Variants in GGA1 observed in about 807,000 individuals in gnomAD.
GGA1 encodes the protein ADP-ribosylation factor-binding protein GGA1.
Under a neutral mutation model 76.9 loss-of-function variants are expected in GGA1, and 18 were observed. That is an observed-to-expected ratio of 0.23 (90% CI 0.16 to 0.35). The LOEUF is 0.35. Among genes scored for constraint, GGA1 ranks in the 10% least tolerant of loss-of-function variants. The pLI is 1.00. For missense variants in GGA1, 755 were observed against 859.0 expected (o/e 0.88, Z 1.51); for synonymous variants, 342 against 354.7 (o/e 0.96, Z 0.40).
At position 37,625,891 on chromosome 22, in the gene GGA1, C is replaced by T. The variant is rs1371036206; in HGVS notation, c.1035C>T (p.Ala345=). The T allele has an allele frequency of 1.9e-6, 3 of 1,608,840 alleles. No homozygotes were observed. Among genetic ancestry groups the T allele is most frequent in the African/African-American group, 1.3e-5 (1 of 75,022 alleles). Residue 345 remains alanine (A), a synonymous_variant, in exon 11 of 17, where the codon GCC becomes GCT. Coordinates refer to ENST00000343632, the MANE Select transcript of GGA1 (RefSeq NM_013365.5). The surrounding 1 kb of genome is among the most constrained non-coding windows in gnomAD (Gnocchi z 4.1). ...PAMPTRPGEQ[A]SPEQPSASVS... ...TGCCCACCCGCCCTGGCGAGCAGGC[C>T]AGCCCTGAGCAGCCCAGTGCCTCAG...
chr22:37,628,054 C>G (rs1440129002), intron 11 of GGA1, among the ~76,000 whole-genome samples: 1 of 152,190 alleles, frequency 6.6e-6, no homozygotes, highest in Non-Finnish European at 1.5e-5. Flanking sequence ...TATTGAACTC[C>G]TGGCCTCAAG....
In GGA1 at chr22:37,623,380, GAAC is replaced by G; in HGVS notation, c.669_671del (p.Asn224del). On this transcript the variant is annotated inframe_deletion, in exon 8 of 17. Transcript: ENST00000343632. This position sits in a 1 kb window ranked among gnomAD's most constrained non-coding sequence, Gnocchi z 4.6. ...AGAGGGTGAATGCCATCGAGGAGGT[GAAC>G]AACAATGTGAAACTGCTCACGGAGA... The G allele has an allele frequency of 6.2e-7, 1 of 1,613,992 alleles. No individual in the cohort carries two copies. Among genetic ancestry groups the G allele is most frequent in the Non-Finnish European group, 8.5e-7 (1 of 1,179,878 alleles).
chr22:37,620,869 C>G lies in GGA1; in HGVS notation c.484C>G (p.Pro162Ala). ...TGACACTACCTTTCCCCTTCCTCCT[C>G]CACGGCCGAAGAATGTGATCTTTGA... ...PDDTTFPLPP[P>A]RPKNVIFEDE... Residue 162 changes from proline (P) to alanine (A), a missense_variant, in exon 6 of 17, where the codon CCA becomes GCA. Transcript: ENST00000343632. 1.2e-6 allele frequency: 2 copies of G among 1,612,668 alleles called. No homozygotes were observed. The highest frequency in any genetic ancestry group is 1.7e-6 in the Non-Finnish European group (2 of 1,178,654).
chr22:37,630,546 T>G (rs1044542241), intron 13 of GGA1: 3 of 444,848 alleles, frequency 6.7e-6, no homozygotes, highest in Non-Finnish European at 8.0e-6. Context: ...CCTGTGCCCC[T>G]GATCTCTCCA....
At position 37,625,755 on chromosome 22, in the gene GGA1, G is replaced by A. The variant is rs201253287; in HGVS notation, c.941-42G>A. The A allele has an allele frequency of 7.4e-6, 11 of 1,493,200 alleles. No homozygotes were observed. The highest frequency in any genetic ancestry group is 5.6e-5 in the African/African-American group (4 of 71,016). The allele number at this position is 1,493,200 out of a possible 1,614,324, so 92.5% of individuals were successfully genotyped here. A position where few individuals can be genotyped will look rare whatever the true frequency, so the allele number is the denominator to read the frequency against. Reference sequence around the variant, plus strand: ...AACCCCTGTGGACTCTGAGAGACACGTGTACACCCAGGACTTGCCAGCCTC... The same window carrying A: ...AACCCCTGTGGACTCTGAGAGACACATGTACACCCAGGACTTGCCAGCCTC... On this transcript the variant is annotated intron_variant, in intron 10 of 16. Transcript: ENST00000343632. The surrounding 1 kb of genome is among the most constrained non-coding windows in gnomAD (Gnocchi z 4.1).
chr22:37,627,638 A>C (rs1019729750), intron 11 of GGA1, among the ~76,000 whole-genome samples: 1 of 152,252 alleles, frequency 6.6e-6, no homozygotes, highest in African/African-American at 2.4e-5. Flanking sequence ...CCCAGCCAGC[A>C]GCTGCAGCAC....
intron 14 of GGA1, among the ~76,000 whole-genome samples, chr22:37,631,544 T>C (rs1931802179): frequency 6.6e-6 from 1 of 152,128 alleles, no homozygotes; most frequent in Non-Finnish European, 1.5e-5. Context: ...AGCATTGCCC[T>C]CTATGAGCTC....
At chr22:37,611,171 G>A (rs1427620787) in intron 1 of GGA1, among the ~76,000 whole-genome samples, 2 of 152,152 alleles carry the variant, frequency 1.3e-5, no homozygotes, top group African/African-American at 4.8e-5. Context: ...CCCTGGGTTG[G>A]GGAGGGTCAT....
chr22:37,631,315 T>C (rs1442090535), intron 14 of GGA1, among the ~76,000 whole-genome samples: 1 of 152,196 alleles, frequency 6.6e-6, no homozygotes, highest in African/African-American at 2.4e-5. Flanking sequence ...TCCAGGCTTA[T>C]ATAAGCAAGA....
At chr22:37,631,693 A>G (rs1052285655) in intron 14 of GGA1, among the ~76,000 whole-genome samples, 2 of 152,180 alleles carry the variant, frequency 1.3e-5, no homozygotes, top group Non-Finnish European at 1.5e-5. Context: ...ACCCTCACCA[A>G]GTCCCTCACC....
In GGA1 at chr22:37,633,206, A is replaced by T. The variant is rs184078390; in HGVS notation, c.*495A>T. On this transcript the variant is annotated 3_prime_UTR_variant, in exon 17 of 17. Coordinates refer to ENST00000343632, the MANE Select transcript of GGA1 (RefSeq NM_013365.5). ...GGGGGTGACGCCTACACCCCCAGCT[A>T]TTTGCACTCTGGTGTGTGGTTTGAC... 2.9e-3 allele frequency: 448 copies of T among 156,020 alleles called. 8 individuals are homozygous for T. Among genetic ancestry groups the T allele is most frequent in the Admixed American group, 0.026 (413 of 15,958 alleles). 9.7% of individuals were successfully genotyped at this position (156,020 alleles called of 1,614,324 possible). A position where few individuals can be genotyped will look rare whatever the true frequency, so the allele number is the denominator to read the frequency against.
At chr22:37,629,213 GCA>G (rs1239617179) in intron 11 of GGA1, among the ~76,000 whole-genome samples, 1 of 152,252 alleles carries the variant, frequency 6.6e-6, no homozygotes, top group African/African-American at 2.4e-5. Context: ...TTGTCTGTGT[GCA>G]CAGAGCTTTG....
intron 2 of GGA1, among the ~76,000 whole-genome samples, chr22:37,616,283 G>T (rs1026728982): frequency 6.6e-6 from 1 of 152,136 alleles, no homozygotes. Flanking sequence ...GTGAGTGGTT[G>T]CCTCTGAGTG....
chr22:37,627,112 G>C (rs181449193), intron 11 of GGA1: 1 of 152,358 alleles, frequency 6.6e-6, no homozygotes, highest in East Asian at 1.9e-4. Flanking sequence ...GGTGAGCCGA[G>C]ATGGCACCAC....
At chr22:37,622,857 C>T (rs940265595) in intron 7 of GGA1, among the ~76,000 whole-genome samples, 1 of 152,220 alleles carries the variant, frequency 6.6e-6, no homozygotes, top group East Asian at 1.9e-4. Flanking sequence ...TTTGAAGGCA[C>T]GGGCTCCCCC....
chr22:37,630,232 C>A, intron 13 of GGA1, 62 bp downstream of exon 13: 1 of 1,267,892 alleles, frequency 7.9e-7, no homozygotes, highest in Non-Finnish European at 1.1e-6. Flanking sequence ...AAACCAGCAA[C>A]TTCTCCTGGG....
At chr22:37,617,232 A>G (rs1027714793) in intron 3 of GGA1, 6 of 1,383,872 alleles carry the variant, frequency 4.3e-6, no homozygotes, top group Non-Finnish European at 5.6e-6. Context: ...CTCTAGGGTC[A>G]TCTGGTCCAG....
intron 11 of GGA1, 154 bp downstream of exon 11, chr22:37,626,103 C>T (rs1342938177): frequency 2.0e-6 from 1 of 497,812 alleles, no homozygotes; most frequent in African/African-American, 2.0e-5. Context: ...ACTGAGGAAA[C>T]TGAGGCTCGG....
rs760759254 is a variant in GGA1 at position 37,632,568 on chromosome 22, C to T, written c.1810-33C>T. 4.4e-6 allele frequency: 7 copies of T among 1,585,726 alleles called. No individual in the cohort carries two copies. Among genetic ancestry groups the T allele is most frequent in the Non-Finnish European group, 5.2e-6 (6 of 1,154,298 alleles). On this transcript the variant is annotated intron_variant, in intron 16 of 16. Coordinates refer to ENST00000343632, the MANE Select transcript of GGA1 (RefSeq NM_013365.5). The surrounding 1 kb of genome is among the most constrained non-coding windows in gnomAD (Gnocchi z 5.1). ...GGTGGGGACGGCCACTTCTCCTCCTCTGACCCCTCTGCCTTTGCCATCTCT... is the reference window on the plus strand; with the variant it reads ...GGTGGGGACGGCCACTTCTCCTCCTTTGACCCCTCTGCCTTTGCCATCTCT...
Sources: gnomAD v4.1 joint callset for allele counts (sites outside exome capture counted in the v4.1 genomes callset) on GRCh38, gnomAD v4.1.1 for gene constraint, Gnocchi (gnomAD v3.1) non-coding constraint, MANE v1.5 for transcripts, NCBI Gene and HGNC (gene_info 2026-07-23, HGNC 2026-07-21) for gene names.